The following ROR1 variants were observed in gnomAD, a reference collection of about 807,000 sequenced individuals.
ROR1 encodes the protein ROR family WNT receptor 1.
Under a neutral mutation model 78.8 loss-of-function variants are expected in ROR1, and 19 were observed. That is an observed-to-expected ratio of 0.24 (90% CI 0.17 to 0.35). The LOEUF is 0.35. Among genes scored for constraint, ROR1 ranks in the 10% least tolerant of loss-of-function variants. The pLI, the probability that ROR1 is intolerant of heterozygous loss-of-function variation, is 1.00. For synonymous variants in ROR1, 386 were observed against 433.6 expected (o/e 0.89, Z 1.36); for missense variants, 917 against 1,177.8 (o/e 0.78, Z 3.24).
chr1:63,863,802 T>TA (rs1196474750), intron 1 of ROR1, among the ~76,000 whole-genome samples: 1 of 118,548 alleles, frequency 8.4e-6, no homozygotes, highest in African/African-American at 4.2e-5. Flanking sequence ...TATTGTATTG[T>TA]ATCATAGATG....
chr1:63,774,411 A>G lies in ROR1; in HGVS notation c.-7A>G, dbSNP rs979808231. 6.6e-5 allele frequency: 82 copies of G among 1,243,016 alleles called. No homozygotes were observed. The highest frequency in any genetic ancestry group is 8.3e-5 in the Non-Finnish European group (82 of 991,108). 77.0% of individuals were successfully genotyped at this position (1,243,016 alleles called of 1,614,324 possible). ...CCGCCGCCGCCGCCGCCTCAGCGAG[A>G]GGAGGAATGCACCGGCCGCGCCGCC... On this transcript the variant is annotated 5_prime_UTR_variant, in exon 1 of 9. Transcript: ENST00000371079. The surrounding 1 kb of genome is among the most constrained non-coding windows in gnomAD (Gnocchi z 5.7).
At chr1:63,836,554 T>C (rs1645019857) in intron 1 of ROR1, among the ~76,000 whole-genome samples, 1 of 152,206 alleles carries the variant, frequency 6.6e-6, no homozygotes, top group Non-Finnish European at 1.5e-5. Context: ...CAAGAGACGA[T>C]ACTAAAGTCC....
intron 8 of ROR1, among the ~76,000 whole-genome samples, chr1:64,163,357 G>A (rs960837506): frequency 6.6e-6 from 1 of 151,920 alleles, no homozygotes; most frequent in Non-Finnish European, 1.5e-5. Context: ...ATTTGAGGCT[G>A]CAGTGAGCTA....
intron 4 of ROR1, among the ~76,000 whole-genome samples, chr1:64,089,233 A>G (rs1032341422): frequency 2.0e-5 from 3 of 150,538 alleles, no homozygotes; most frequent in African/African-American, 7.3e-5. Context: ...TTTTTGAGAC[A>G]TGGTCTCACT....
chr1:63,948,242 A>T (rs1645905958), intron 1 of ROR1, among the ~76,000 whole-genome samples: 1 of 152,152 alleles, frequency 6.6e-6, no homozygotes. Context: ...TTTTATGTAG[A>T]TGTTTTACAA....
chr1:64,001,707 G>A (rs2100533462), intron 1 of ROR1, among the ~76,000 whole-genome samples: 1 of 152,226 alleles, frequency 6.6e-6, no homozygotes, highest in Admixed American at 6.5e-5. Context: ...CCTTCCCACA[G>A]GTAGGGCGGC....
In ROR1 at chr1:63,774,451, C is replaced by G. The variant is rs1173539126; in HGVS notation, c.34C>G (p.Pro12Ala). 1.7e-6 allele frequency: 2 copies of G among 1,175,066 alleles called. No homozygotes were observed. The highest frequency in any genetic ancestry group is 2.1e-6 in the Non-Finnish European group (2 of 956,544). 72.8% of individuals were successfully genotyped at this position (1,175,066 alleles called of 1,614,324 possible). A position where few individuals can be genotyped will look rare whatever the true frequency, so the allele number is the denominator to read the frequency against. The change falls in exon 1 of 9, where the codon CCG becomes GCG. Residue 12 changes from proline (P) to alanine (A), a missense_variant. By Grantham distance (27) the Pro-to-Ala change is conservative. Coordinates refer to ENST00000371079, the MANE Select transcript of ROR1 (RefSeq NM_005012.4). The surrounding 1 kb of genome is among the most constrained non-coding windows in gnomAD (Gnocchi z 5.7). ...HRPRRRGTRP[P>A]LLALLAALLL... ...GCCGCGCCGCCGCGGGACGCGCCCG[C>G]CGCTCCTGGCGCTGCTGGCCGCGCT...
intron 2 of ROR1, among the ~76,000 whole-genome samples, chr1:64,012,933 C>T (rs12058335): frequency 0.043 from 6,524 of 152,194 alleles, 492 homozygotes; most frequent in African/African-American, 0.15. Flanking sequence ...ATCTGGGAGA[C>T]AGATTTGAGA....
intron 4 of ROR1, among the ~76,000 whole-genome samples, chr1:64,097,306 T>C (rs1254589933): frequency 1.3e-5 from 2 of 152,154 alleles, no homozygotes; most frequent in African/African-American, 4.8e-5. Flanking sequence ...TGTAACATTC[T>C]GACTTTCTGC....
At chr1:63,964,126 A>T (rs1646055211) in intron 1 of ROR1, among the ~76,000 whole-genome samples, 1 of 152,196 alleles carries the variant, frequency 6.6e-6, no homozygotes, top group Non-Finnish European at 1.5e-5. Flanking sequence ...TCCTTATTTG[A>T]CAAGTGAGGA....
intron 4 of ROR1, among the ~76,000 whole-genome samples, chr1:64,052,750 G>A (rs1364576616): frequency 1.3e-5 from 2 of 152,172 alleles, no homozygotes; most frequent in Non-Finnish European, 2.9e-5. Flanking sequence ...CTTGCAGGGA[G>A]TTACAATAAA....
intron 1 of ROR1, among the ~76,000 whole-genome samples, chr1:63,962,504 G>A (rs965595411): frequency 2.6e-5 from 4 of 152,214 alleles, no homozygotes; most frequent in Non-Finnish European, 5.9e-5. Flanking sequence ...TGCTAAGGGA[G>A]TGGGAGAGGG....
intron 1 of ROR1, among the ~76,000 whole-genome samples, chr1:63,935,250 G>A (rs893818131): frequency 6.6e-6 from 1 of 152,154 alleles, no homozygotes; most frequent in African/African-American, 2.4e-5. Flanking sequence ...GGAGGGAGCT[G>A]TATGAACTTT....
intron 1 of ROR1, among the ~76,000 whole-genome samples, chr1:63,998,702 G>A (rs1166399189): frequency 1.3e-5 from 2 of 152,142 alleles, no homozygotes; most frequent in Admixed American, 6.6e-5. Context: ...ATTCCCAGCA[G>A]ATATTTATGT....
chr1:63,950,968 A>G (rs1645930459), intron 1 of ROR1, among the ~76,000 whole-genome samples: 1 of 152,228 alleles, frequency 6.6e-6, no homozygotes, highest in Admixed American at 6.5e-5. Context: ...TTCATCGAAC[A>G]ATACTCTTTA....
intron 1 of ROR1, among the ~76,000 whole-genome samples, chr1:63,968,762 C>A (rs887724935): frequency 6.6e-6 from 1 of 152,092 alleles, no homozygotes; most frequent in Non-Finnish European, 1.5e-5. Context: ...CATGGCACTA[C>A]GGTTAAAGGC....
intron 1 of ROR1, among the ~76,000 whole-genome samples, chr1:63,935,135 C>A (rs949706001): frequency 6.6e-6 from 1 of 151,780 alleles, no homozygotes; most frequent in Non-Finnish European, 1.5e-5. Context: ...ATTCATTGCC[C>A]AACCTCCCTC....
chr1:63,978,137 A>G (rs1210048140), intron 1 of ROR1, among the ~76,000 whole-genome samples: 3 of 152,224 alleles, frequency 2.0e-5, no homozygotes, highest in Non-Finnish European at 4.4e-5. Context: ...AACTAAGATT[A>G]GAACCCAGGA....
intron 1 of ROR1, among the ~76,000 whole-genome samples, chr1:63,788,459 G>A (rs1644705187): frequency 6.6e-6 from 1 of 152,112 alleles, no homozygotes; most frequent in Non-Finnish European, 1.5e-5. Context: ...ACTAAAACGT[G>A]TTGACTGTCT....
Sources: allele counts gnomAD v4.1 joint callset (sites outside exome capture counted in the v4.1 genomes callset), GRCh38; gene constraint gnomAD v4.1.1; non-coding constraint Gnocchi (gnomAD v3.1); transcripts MANE v1.5; gene names NCBI Gene and HGNC (gene_info 2026-07-23, HGNC 2026-07-21).